Variants in LRIF1 observed in about 807,000 individuals in gnomAD.
LRIF1 encodes the protein ligand-dependent nuclear receptor-interacting factor 1.
LRIF1 carries 32 observed loss-of-function variants against 52.7 expected under a neutral mutation model. That is an observed-to-expected ratio of 0.61 (90% CI 0.46 to 0.82). LRIF1 has a LOEUF of 0.82. Among genes scored for constraint, LRIF1 ranks in the 40% least tolerant of loss-of-function variants. LRIF1 has a pLI of 0.00. For synonymous variants in LRIF1, 323 were observed against 317.4 expected (o/e 1.02, Z -0.19); for missense variants, 887 against 892.0 (o/e 0.99, Z 0.07).
the LRIF1 span, chr1:110,896,503 C>A: frequency 3.0e-6 from 2 of 671,622 alleles, no homozygotes; most frequent in African/African-American, 3.6e-5. Flanking sequence ...TTAGAAAGCA[C>A]TTTGTTTTAA....
chr1:110,947,842 G>T lies in LRIF1; in HGVS notation c.*117C>A. 1 of 1,369,504 alleles carries T rather than the reference G, an allele frequency of 7.3e-7. No individual in the cohort carries two copies. Among genetic ancestry groups the T allele is most frequent in the Non-Finnish European group, 9.7e-7 (1 of 1,029,374 alleles). 84.8% of individuals were successfully genotyped at this position (1,369,504 alleles called of 1,614,324 possible). A position where few individuals can be genotyped will look rare whatever the true frequency, so the allele number is the denominator to read the frequency against. On this transcript the variant is annotated 3_prime_UTR_variant, in exon 4 of 4. Coordinates refer to ENST00000369763, the MANE Select transcript of LRIF1 (RefSeq NM_018372.4). Reference sequence around the variant, plus strand: ...ATTCCTTAAAGTTGTACAATCGACTGATGAAAAAACAAGCTTCATATTCAA... The same window carrying T: ...ATTCCTTAAAGTTGTACAATCGACTTATGAAAAAACAAGCTTCATATTCAA...
chr1:110,900,431 A>G, the LRIF1 span, among the ~76,000 whole-genome samples: 1 of 152,184 alleles, frequency 6.6e-6, no homozygotes, highest in Non-Finnish European at 1.5e-5. Flanking sequence ...CAGTGGCACA[A>G]TCTCGGCTCA....
chr1:110,885,256 A>G, the LRIF1 span, among the ~76,000 whole-genome samples: 1 of 152,226 alleles, frequency 6.6e-6, no homozygotes, highest in Non-Finnish European at 1.5e-5. Flanking sequence ...TTCAGTATCT[A>G]TTAAAGAGAT....
In LRIF1 at chr1:110,951,343, A is replaced by G; in HGVS notation, c.1541T>C (p.Val514Ala). Reference sequence around the variant, plus strand: ...TTGTGAAGTAACAGTTGTTGCATCAACAGAGGAACTTATTTTCTCTATGCT... The same window carrying G: ...TTGTGAAGTAACAGTTGTTGCATCAGCAGAGGAACTTATTTTCTCTATGCT... ...LQSIEKISSS[V>A]DATTVTSQQC... is the part of the protein sequence containing the mutation. Residue 514 changes from valine (V) to alanine (A), a missense_variant, in exon 2 of 4, where the codon GTT (valine) becomes GCT (alanine). By Grantham distance (64) the Val-to-Ala change is moderately conservative (BLOSUM62 0). Transcript: ENST00000369763. The G allele has an allele frequency of 3.1e-6, 5 of 1,614,146 alleles. No individual in the cohort carries two copies. In the South Asian group the frequency reaches 5.5e-5, roughly 18 times the overall value.
At chr1:110,908,709 A>G in the LRIF1 span, among the ~76,000 whole-genome samples, 1 of 152,216 alleles carries the variant, frequency 6.6e-6, no homozygotes, top group Non-Finnish European at 1.5e-5. Context: ...TAATTTTAAG[A>G]AAATGAACAA....
intron 1 of LRIF1, among the ~76,000 whole-genome samples, chr1:110,955,334 A>C (rs1378121813): frequency 1.3e-5 from 2 of 152,172 alleles, no homozygotes; most frequent in Non-Finnish European, 2.9e-5. Flanking sequence ...ACTCTACTCC[A>C]AGCAAACATC....
Position 110,960,891 on chromosome 1 carries a change from A to G in LRIF1, c.68+2730T>C, listed in dbSNP as rs75411763. Among the ~76,000 whole-genome samples the G allele has an allele frequency of 1.7e-3, 258 of 152,330 alleles. 4 individuals carry two copies. The East Asian group carries it at 0.044, about 26-fold the overall frequency. ...ACTCACCCTCAAATCCAGACTGCCA[A>G]CGTTATCTAAAATGTACACCTGTGT... On this transcript the variant is annotated intron_variant, in intron 1 of 3. Coordinates refer to ENST00000369763, the MANE Select transcript of LRIF1 (RefSeq NM_018372.4).
chr1:110,899,394 A>G, the LRIF1 span: 1 of 504,516 alleles, frequency 2.0e-6, no homozygotes, highest in Non-Finnish European at 3.6e-6. Flanking sequence ...TCTTTCACTC[A>G]CTGACGGCAG....
chr1:110,952,197 A>G lies in LRIF1; in HGVS notation c.687T>C (p.Val229=). Reference sequence around the variant, plus strand: ...CTGTATTTACAGGAGATACATAAATAACGGTTGGCATTTGGGAGGCCTCAA... The same window carrying G: ...CTGTATTTACAGGAGATACATAAATGACGGTTGGCATTTGGGAGGCCTCAA... The part of the protein sequence containing the change: ...GMVEASQMPT[V]IYVSPVNTVK... Residue 229 remains valine (V), a synonymous_variant, in exon 2 of 4, where the codon GTT becomes GTC. Coordinates refer to ENST00000369763, the MANE Select transcript of LRIF1 (RefSeq NM_018372.4). 6.2e-7 allele frequency: 1 copy of G among 1,614,252 alleles called. No individual in the cohort carries two copies. The highest frequency in any genetic ancestry group is 8.5e-7 in the Non-Finnish European group (1 of 1,180,042).
At chr1:110,903,051 C>G in the LRIF1 span, among the ~76,000 whole-genome samples, 1 of 152,196 alleles carries the variant, frequency 6.6e-6, no homozygotes, top group Non-Finnish European at 1.5e-5. Flanking sequence ...TCTGCTGGTG[C>G]CTGCCCATGG....
At chr1:110,917,165 G>A in the LRIF1 span, among the ~76,000 whole-genome samples, 5 of 152,194 alleles carry the variant, frequency 3.3e-5, no homozygotes, top group African/African-American at 9.7e-5. Context: ...TCAGGACAAA[G>A]TTTCTCCTGC....
intron 1 of LRIF1, among the ~76,000 whole-genome samples, chr1:110,959,755 AAAAG>A (rs1450212049): frequency 2.0e-5 from 3 of 151,600 alleles, no homozygotes; most frequent in Admixed American, 2.0e-4. Context: ...AAAAAAAAAA[AAAAG>A]AATGAGAAAT....
At chr1:110,915,386 G>C in the LRIF1 span, among the ~76,000 whole-genome samples, 1 of 152,182 alleles carries the variant, frequency 6.6e-6, no homozygotes, top group Non-Finnish European at 1.5e-5. Context: ...TATTCGGGAG[G>C]CTGAGGCAGG....
At chr1:110,959,588 A>G (rs1253024483) in intron 1 of LRIF1, among the ~76,000 whole-genome samples, 2 of 151,978 alleles carry the variant, frequency 1.3e-5, no homozygotes, top group Non-Finnish European at 1.5e-5. Flanking sequence ...CGTCTCTACT[A>G]AAAATACAAA....
chr1:110,952,254 A>T lies in LRIF1; in HGVS notation c.630T>A (p.Leu210=). 6.2e-7 allele frequency: 1 copy of T among 1,614,182 alleles called. No homozygotes were observed. The highest frequency in any genetic ancestry group is 2.2e-5 in the East Asian group (1 of 44,886). Residue 210 remains leucine, a synonymous_variant, in exon 2 of 4, where the codon CTT becomes CTA. Coordinates refer to ENST00000369763, the MANE Select transcript of LRIF1 (RefSeq NM_018372.4). ...CTGAGGTACTGGTGGTGGCAGTTGC[A>T]AGTATCTTTTGCTGCACTGAAGGAG... The part of the protein sequence containing the change: ...SLPPSVQQKI[L]ATATTSTSGM...
At chr1:110,946,818 G>A (rs1160163361), downstream of LRIF1, among the ~76,000 whole-genome samples, 1 of 151,924 alleles carries the variant, frequency 6.6e-6, no homozygotes, top group African/African-American at 2.4e-5. Context: ...CACTGTGCCC[G>A]ACTAATTTTT....
the LRIF1 span, among the ~76,000 whole-genome samples, chr1:110,878,301 C>T: frequency 6.6e-6 from 1 of 152,130 alleles, no homozygotes; most frequent in South Asian, 2.1e-4. Context: ...TTTAGAAAAA[C>T]TTTTTCTTAA....
chr1:110,882,299 T>G, the LRIF1 span, among the ~76,000 whole-genome samples: 1 of 152,158 alleles, frequency 6.6e-6, no homozygotes, highest in Non-Finnish European at 1.5e-5. Context: ...AGTTCATTTT[T>G]GCATATTAAT....
At chr1:110,955,136 T>TC (rs1553211084) in intron 1 of LRIF1, among the ~76,000 whole-genome samples, 1 of 152,098 alleles carries the variant, frequency 6.6e-6, no homozygotes, top group Non-Finnish European at 1.5e-5. Context: ...CCCATCCTAA[T>TC]CCCCCCAAGT....
Sources: allele counts gnomAD v4.1 joint callset (sites outside exome capture counted in the v4.1 genomes callset), GRCh38; gene constraint gnomAD v4.1.1; transcripts MANE v1.5; gene names NCBI Gene and HGNC (gene_info 2026-07-23, HGNC 2026-07-21).